PRKN: variants seen among roughly 807,000 people sequenced by gnomAD.
The protein encoded by PRKN is parkin RBR E3 ubiquitin protein ligase.
PRKN carries 56 observed loss-of-function variants against 59.5 expected under a neutral mutation model. The observed-to-expected ratio is 0.94, with a 90% CI of 0.76 to 1.18. PRKN has a LOEUF of 1.18. Ranked by LOEUF, PRKN falls within the 50% of genes most tolerant of loss-of-function variation. The pLI is 0.00. For missense variants in PRKN, 657 were observed against 596.4 expected (o/e 1.10, Z -1.06); for synonymous variants, 250 against 222.1 (o/e 1.13, Z -1.12).
In PRKN at chr6:161,446,852, T is replaced by C. The variant is rs1336276957; in HGVS notation, c.1084-59975A>G. On this transcript the variant is annotated intron_variant, in intron 9 of 11. Coordinates refer to ENST00000366898, the MANE Select transcript of PRKN (RefSeq NM_004562.3). The surrounding 1 kb of genome is among the most constrained non-coding windows in gnomAD (Gnocchi z 6.2). ...CCATTTAATTCCATCCATCAACCCA[T>C]TTTTCTGCTGTATACATAGAAAAGG... is the stretch of plus-strand genomic sequence containing the variant. Among the ~76,000 whole-genome samples, 1 of 152,106 alleles carries C rather than the reference T, an allele frequency of 6.6e-6. No homozygotes were observed. Among genetic ancestry groups the C allele is most frequent in the Non-Finnish European group, 1.5e-5 (1 of 68,014 alleles).
At chr6:162,325,526 CACA>C (rs904986021) in intron 2 of PRKN, among the ~76,000 whole-genome samples, 1 of 152,058 alleles carries the variant, frequency 6.6e-6, no homozygotes, top group Non-Finnish European at 1.5e-5. Context: ...GAGGCTCTAC[CACA>C]ACAAGATGGG....
chr6:162,560,853 C>CAAGAAAAAAAAAA (rs1779804630), intron 1 of PRKN, among the ~76,000 whole-genome samples: 1 of 56,506 alleles, frequency 1.8e-5, no homozygotes, highest in Non-Finnish European at 3.1e-5. Flanking sequence ...GAGAGAGAGG[C>CAAGAAAAAAAAAA]AAAAAAAAAA....
intron 11 of PRKN, among the ~76,000 whole-genome samples, chr6:161,350,615 T>A (rs1007344754): frequency 1.3e-4 from 15 of 118,734 alleles, no homozygotes; most frequent in Non-Finnish European, 1.9e-4. Flanking sequence ...ATATTTAAAA[T>A]ATATATATTT....
intron 2 of PRKN, among the ~76,000 whole-genome samples, chr6:162,333,850 T>C (rs1441904380): frequency 6.6e-6 from 1 of 152,290 alleles, no homozygotes; most frequent in East Asian, 1.9e-4. Flanking sequence ...ACCAACAAGT[T>C]AGTCAAGTTG....
At position 161,372,028 on chromosome 6, in the gene PRKN, AG is replaced by A. The variant is rs1452089453; in HGVS notation, c.1168-11824del. Among the ~76,000 whole-genome samples the A allele has an allele frequency of 6.6e-6, 1 of 152,254 alleles. No homozygotes were observed. The highest frequency in any genetic ancestry group is 1.9e-4 in the East Asian group (1 of 5,198). The stretch of plus-strand genomic sequence containing the variant: ...AAGTGCCACAGACGAGATCTTACAG[AG>A]TCTTGCCCCATGGGGCCCTAAATGC... On this transcript the variant is annotated intron_variant, in intron 10 of 11. Coordinates refer to ENST00000366898, the MANE Select transcript of PRKN (RefSeq NM_004562.3). This position sits in a 1 kb window ranked among gnomAD's most constrained non-coding sequence, Gnocchi z 4.2.
At chr6:161,813,068 A>G (rs1464990859) in intron 6 of PRKN, among the ~76,000 whole-genome samples, 1 of 152,230 alleles carries the variant, frequency 6.6e-6, no homozygotes, top group African/African-American at 2.4e-5. Flanking sequence ...TATTCAAAAG[A>G]TAAATCAGAC....
In PRKN at chr6:161,545,461, A is replaced by G. The variant is rs755886214; in HGVS notation, c.1083+3393T>C. On this transcript the variant is annotated intron_variant, in intron 9 of 11. Transcript: ENST00000366898. The surrounding 1 kb of genome is among the most constrained non-coding windows in gnomAD (Gnocchi z 4.1). ...TACTGTGAGAGCAAAGAGTAAAAAG[A>G]GATTCACCTTCTTCTAACTTTTATG... 2.1e-5 allele frequency: 32 copies of G among 1,517,782 alleles called. No homozygotes were observed. Among genetic ancestry groups the G allele is most frequent in the Non-Finnish European group, 2.8e-5 (31 of 1,093,708 alleles). 94.0% of individuals were successfully genotyped at this position (1,517,782 alleles called of 1,614,324 possible). A position where few individuals can be genotyped will look rare whatever the true frequency, so the allele number is the denominator to read the frequency against.
intron 2 of PRKN, among the ~76,000 whole-genome samples, chr6:162,368,936 A>G (rs145661133): frequency 6.6e-6 from 1 of 152,302 alleles, no homozygotes; most frequent in Non-Finnish European, 1.5e-5. Flanking sequence ...GATTAAAAAG[A>G]TAACATCAAT....
chr6:161,568,388 T>C (rs879942388), intron 8 of PRKN, among the ~76,000 whole-genome samples: 22 of 152,072 alleles, frequency 1.4e-4, no homozygotes, highest in Non-Finnish European at 2.9e-4. Flanking sequence ...CGTCAGGAAA[T>C]CGAAACCATC....
At chr6:162,670,089 G>C (rs1410150936) in intron 1 of PRKN, among the ~76,000 whole-genome samples, 1 of 152,096 alleles carries the variant, frequency 6.6e-6, no homozygotes, top group African/African-American at 2.4e-5. Context: ...TAAACTAACA[G>C]AATTAAATAT....
intron 6 of PRKN, among the ~76,000 whole-genome samples, chr6:161,892,197 G>T (rs1201655503): frequency 6.6e-6 from 1 of 152,106 alleles, no homozygotes; most frequent in Non-Finnish European, 1.5e-5. Flanking sequence ...GCTTTGGGAG[G>T]TTGAGGTGGG....
At chr6:162,100,044 G>C (rs935245352) in intron 4 of PRKN, among the ~76,000 whole-genome samples, 1 of 152,116 alleles carries the variant, frequency 6.6e-6, no homozygotes, top group African/African-American at 2.4e-5. Context: ...TCTGTGCCTG[G>C]CTCATTTTAT....
chr6:161,714,494 T>C (rs899520542), intron 7 of PRKN, among the ~76,000 whole-genome samples: 1 of 152,212 alleles, frequency 6.6e-6, no homozygotes, highest in African/African-American at 2.4e-5. Flanking sequence ...ACACCAGTGC[T>C]GAAGTCTTTA....
intron 9 of PRKN, among the ~76,000 whole-genome samples, chr6:161,449,151 A>G (rs1366520389): frequency 6.6e-6 from 1 of 152,194 alleles, no homozygotes; most frequent in African/African-American, 2.4e-5. Flanking sequence ...TTCTTGGTTT[A>G]TGCTTGCAAT....
rs535420929 is a variant in PRKN, at chr6:161,877,379, A to T, written c.735-91471T>A. Among the ~76,000 whole-genome samples the T allele has an allele frequency of 2.6e-5, 4 of 152,232 alleles. No individual in the cohort carries two copies. The South Asian group carries it at 8.3e-4, about 32-fold the overall frequency. On this transcript the variant is annotated intron_variant, in intron 6 of 11. Transcript: ENST00000366898. Reference sequence around the variant, plus strand: ...GCCCCTCCAGGGAAACACCTCTCCAAATTTTGCCATTTCATGGCCTACATC... The same window carrying T: ...GCCCCTCCAGGGAAACACCTCTCCATATTTTGCCATTTCATGGCCTACATC...
intron 4 of PRKN, among the ~76,000 whole-genome samples, chr6:162,139,312 A>C (rs1781680933): frequency 6.6e-6 from 1 of 152,324 alleles, no homozygotes. Context: ...TTGTAGATTA[A>C]AATTGGGTGA....
intron 1 of PRKN, among the ~76,000 whole-genome samples, chr6:162,583,984 C>T (rs1259222965): frequency 6.6e-6 from 1 of 152,048 alleles, no homozygotes; most frequent in East Asian, 1.9e-4. Flanking sequence ...GAGGCTGAGG[C>T]GAGCGGATCA....
chr6:162,172,932 T>C (rs111689241), intron 4 of PRKN, among the ~76,000 whole-genome samples: 1,611 of 152,106 alleles, frequency 0.011, 26 homozygotes, highest in African/African-American at 0.037. Flanking sequence ...TGTGGGAGTG[T>C]AGAGTGCAAC....
intron 1 of PRKN, among the ~76,000 whole-genome samples, chr6:162,549,662 C>A (rs1330007153): frequency 1.5e-5 from 2 of 136,634 alleles, no homozygotes; most frequent in Admixed American, 7.7e-5. Flanking sequence ...TTTTTTTGAC[C>A]GAGTCTTGCT....
Sources: allele counts gnomAD v4.1 joint callset (sites outside exome capture counted in the v4.1 genomes callset), GRCh38; gene constraint gnomAD v4.1.1; non-coding constraint Gnocchi (gnomAD v3.1); transcripts MANE v1.5; gene names NCBI Gene and HGNC (gene_info 2026-07-23, HGNC 2026-07-21).